Variants in ANXA6 observed in about 807,000 individuals in gnomAD.
The protein encoded by ANXA6 is 67 kDa calelectrin.
In ANXA6, 71 loss-of-function variants were observed where a neutral mutation model predicts 95.4. The ratio of observed to expected loss-of-function variants is 0.74; its 90% CI spans 0.61 to 0.91. The LOEUF is 0.91. Ranked by LOEUF, ANXA6 falls within the 40% of genes least tolerant of loss-of-function variation. The pLI is 0.00. For missense variants in ANXA6, 830 were observed against 876.4 expected (o/e 0.95, Z 0.67); for synonymous variants, 289 against 315.9 (o/e 0.91, Z 0.90).
chr5:151,131,224 C>A lies in ANXA6; in HGVS notation c.795+7G>T, dbSNP rs778095706. 1.9e-6 allele frequency: 3 copies of A among 1,613,880 alleles called. No homozygotes were observed. The highest frequency in any genetic ancestry group is 2.7e-5 in the African/African-American group (2 of 74,940). On this transcript the variant is annotated splice_region_variant and intron_variant, in intron 11 of 25. Coordinates refer to ENST00000354546, the MANE Select transcript of ANXA6 (RefSeq NM_001155.5). ...CAAACCCCATTCACATCAGCCCCAC[C>A]ACGCACCTTCATAGCCTTGAAGAGC...
At chr5:151,150,006 C>G (rs1442440622) in intron 1 of ANXA6, among the ~76,000 whole-genome samples, 3 of 151,924 alleles carry the variant, frequency 2.0e-5, no homozygotes, top group African/African-American at 7.2e-5. Context: ...GTAGTCCCAG[C>G]TAGTCAGGAG....
At chr5:151,107,447 C>T (rs539736855) in intron 23 of ANXA6, among the ~76,000 whole-genome samples, 1 of 152,320 alleles carries the variant, frequency 6.6e-6, no homozygotes, top group East Asian at 1.9e-4. Flanking sequence ...ATCCCGCCTC[C>T]TAGATATTGC....
intron 20 of ANXA6, among the ~76,000 whole-genome samples, chr5:151,114,610 T>C (rs1283134388): frequency 1.7e-5 from 1 of 57,704 alleles, no homozygotes; most frequent in Non-Finnish European, 2.9e-5. Flanking sequence ...CGAGACTCCG[T>C]CTTAAAAAAA....
In ANXA6 at chr5:151,139,447, C is replaced by A. The variant is rs199611176; in HGVS notation, c.110G>T (p.Gly37Val). ...GTCCAGTATGGCCTCCTTGTCACTG[C>A]CTGGAATAGGGGAGAGCAATCATCA... ...EALYTAMKGFGSDKEAILDII... is the reference protein window; with the variant it reads ...EALYTAMKGFVSDKEAILDII... Residue 37 changes from glycine to valine, a missense_variant and splice_region_variant, in exon 4 of 26, where the codon GGC becomes GTC. Coordinates refer to ENST00000354546, the MANE Select transcript of ANXA6 (RefSeq NM_001155.5). The A allele has an allele frequency of 3.3e-4, 525 of 1,610,880 alleles. No homozygotes were observed. The highest frequency in any genetic ancestry group is 4.2e-4 in the Non-Finnish European group (498 of 1,177,342).
At chr5:151,154,604 A>T (rs1194130586) in intron 1 of ANXA6, among the ~76,000 whole-genome samples, 2 of 152,038 alleles carry the variant, frequency 1.3e-5, no homozygotes, top group African/African-American at 4.8e-5. Flanking sequence ...CCCGCTCCAT[A>T]ACCCTCCAGG....
intron 12 of ANXA6, 109 bp from the exon 13 acceptor site, chr5:151,128,348 TA>T: frequency 2.2e-6 from 2 of 925,890 alleles, no homozygotes; most frequent in South Asian, 2.8e-5. Flanking sequence ...AATGAACACT[TA>T]TTCATAGCAG....
intron 18 of ANXA6, among the ~76,000 whole-genome samples, chr5:151,118,374 A>G (rs1165670457): frequency 2.0e-5 from 3 of 151,168 alleles, no homozygotes; most frequent in Non-Finnish European, 2.9e-5. Flanking sequence ...TGATCCTCCC[A>G]CCTCAGTCTC....
intron 2 of ANXA6, 72 bp downstream of exon 2, chr5:151,147,812 C>T (rs375516184): frequency 2.0e-6 from 3 of 1,518,858 alleles, no homozygotes; most frequent in Non-Finnish European, 2.7e-6. Context: ...CTGTAGCAGG[C>T]CTAGTGGCTC....
rs372065055 is a variant in ANXA6, at chr5:151,137,218, C to T, written c.409+13G>A. ...ATCTGAAGATCCTAAGCGGCCCCTC[C>T]TGCCCATCTCACCATCTTTGTATGC... is the stretch of plus-strand genomic sequence containing the variant. On this transcript the variant is annotated intron_variant, in intron 6 of 25. Coordinates refer to ENST00000354546, the MANE Select transcript of ANXA6 (RefSeq NM_001155.5). 6.8e-6 allele frequency: 11 copies of T among 1,612,240 alleles called. No homozygotes were observed. The highest frequency in any genetic ancestry group is 3.3e-5 in the South Asian group (3 of 90,902).
In ANXA6 at chr5:151,117,059, A is replaced by G. The variant is rs943132626; in HGVS notation, c.1572+68T>C. On this transcript the variant is annotated intron_variant, in intron 20 of 25. Coordinates refer to ENST00000354546, the MANE Select transcript of ANXA6 (RefSeq NM_001155.5). ...CTCACAGACAGGGCCCGGCGTAGACACGCATAAGCTGGACCTACATCTCAG... is the reference window on the plus strand; with the variant it reads ...CTCACAGACAGGGCCCGGCGTAGACGCGCATAAGCTGGACCTACATCTCAG... The G allele has an allele frequency of 3.5e-6, 5 of 1,420,956 alleles. No homozygotes were observed. The African/African-American group carries it at 5.8e-5, about 16-fold the overall frequency. 88.0% of individuals were successfully genotyped at this position (1,420,956 alleles called of 1,614,324 possible).
In ANXA6 at chr5:151,126,434, T is replaced by A. The variant is rs1311605262; in HGVS notation, c.1024A>T (p.Met342Leu). 3 of 1,611,156 alleles carry A rather than the reference T, an allele frequency of 1.9e-6. No individual in the cohort carries two copies. The highest frequency in any genetic ancestry group is 2.5e-6 in the Non-Finnish European group (3 of 1,178,768). Residue 342 changes from methionine to leucine, a missense_variant, in exon 14 of 26, where the codon ATG (methionine) becomes TTG (leucine). Met to Leu is a conservative substitution (Grantham distance 15, BLOSUM62 2). Coordinates refer to ENST00000354546, the MANE Select transcript of ANXA6 (RefSeq NM_001155.5). Reference sequence around the variant, plus strand: ...CGGGCCACTGCACTAAGTTCCCACATCTGATAGGCCACCTGCGCTGCCTCC... The same window carrying A: ...CGGGCCACTGCACTAAGTTCCCACAACTGATAGGCCACCTGCGCTGCCTCC... ...FPEAAQVAYQ[M>L]WELSAVARVE... is the part of the protein sequence containing the mutation.
chr5:151,123,087 C>T (rs1765218311), intron 15 of ANXA6, 76 bp from the exon 16 acceptor site: 3 of 1,246,156 alleles, frequency 2.4e-6, no homozygotes, highest in East Asian at 2.3e-5. Context: ...CCACTGATGG[C>T]CCCTCATCGA....
At chr5:151,108,663 G>A (rs1764766261) in intron 22 of ANXA6, 113 bp from the exon 23 acceptor site, 1 of 884,864 alleles carries the variant, frequency 1.1e-6, no homozygotes, top group African/African-American at 1.6e-5. Flanking sequence ...AAAGTGGAAG[G>A]GCAGCAAATA....
chr5:151,124,549 G>A (rs1408509237), intron 14 of ANXA6, among the ~76,000 whole-genome samples, 182 bp from the exon 15 acceptor site: 1 of 113,104 alleles, frequency 8.8e-6, no homozygotes, highest in Admixed American at 9.0e-5. Flanking sequence ...GAGAGAGAGA[G>A]AGAGAGAGAG....
In ANXA6 at chr5:151,141,541, A is replaced by T. The variant is rs1182592730; in HGVS notation, c.19-1298T>A. 38 of 985,510 alleles carry T rather than the reference A, an allele frequency of 3.9e-5. No individual in the cohort carries two copies. The South Asian group carries it at 1.6e-3, about 41-fold the overall frequency. 61.0% of individuals were successfully genotyped at this position (985,510 alleles called of 1,614,324 possible). A position where few individuals can be genotyped will look rare whatever the true frequency, so the allele number is the denominator to read the frequency against. ...GGCCACACAGATCTTGCCTTCAAGG[A>T]GTCAGAGGTGGAGCAGAGTGAGTCC... is the stretch of plus-strand genomic sequence containing the variant. On this transcript the variant is annotated intron_variant, in intron 2 of 25. Coordinates refer to ENST00000354546, the MANE Select transcript of ANXA6 (RefSeq NM_001155.5).
At chr5:151,133,019 A>C in intron 9 of ANXA6, 75 bp downstream of exon 9, 1 of 1,128,882 alleles carries the variant, frequency 8.9e-7, no homozygotes, top group Non-Finnish European at 1.3e-6. Context: ...AGTGGTAAAG[A>C]AAAGAAAAGA....
At chr5:151,104,803 G>A (rs896650108) in intron 24 of ANXA6, among the ~76,000 whole-genome samples, 2 of 152,164 alleles carry the variant, frequency 1.3e-5, no homozygotes, top group Non-Finnish European at 2.9e-5. Flanking sequence ...GAGACCCTGT[G>A]TCCCCGGATA....
In ANXA6 at chr5:151,149,314, G is replaced by A. The variant is rs755820777; in HGVS notation, c.-25-1388C>T. 2.6e-5 allele frequency among the ~76,000 whole-genome samples: 4 copies of A among 151,930 alleles called. No individual in the cohort carries two copies. The South Asian group carries it at 6.2e-4, about 24-fold the overall frequency. On this transcript the variant is annotated intron_variant, in intron 1 of 25. Transcript: ENST00000354546. ...CAGTGAAGGAACAAAGATATGATAC[G>A]TAAAAATAAATGCAAAAAGAGATGT...
At chr5:151,142,697 G>C (rs760649983) in intron 2 of ANXA6, among the ~76,000 whole-genome samples, 2 of 152,206 alleles carry the variant, frequency 1.3e-5, no homozygotes, top group Non-Finnish European at 2.9e-5. Context: ...CTGTGACTGG[G>C]CTAAATGAAT....
Sources: allele counts gnomAD v4.1 joint callset (sites outside exome capture counted in the v4.1 genomes callset), GRCh38; gene constraint gnomAD v4.1.1; transcripts MANE v1.5; gene names NCBI Gene and HGNC (gene_info 2026-07-23, HGNC 2026-07-21).